Variants in ARNT2 observed in about 807,000 individuals in gnomAD.
ARNT2 encodes aryl hydrocarbon receptor nuclear translocator 2.
In ARNT2, 36 loss-of-function variants were observed where a neutral mutation model predicts 91.7. That is an observed-to-expected ratio of 0.39 (90% CI 0.30 to 0.52). The LOEUF is 0.52. Among genes scored for constraint, ARNT2 ranks in the 20% least tolerant of loss-of-function variants. The pLI is 0.72. For synonymous variants in ARNT2, 365 were observed against 347.1 expected, an observed-to-expected ratio of 1.05 and a Z score of -0.57; for missense variants, 775 against 939.3, an observed-to-expected ratio of 0.83 and a Z score of 2.29.
At chr15:80,460,800 T>C (rs1189562170) in intron 3 of ARNT2, among the ~76,000 whole-genome samples, 1 of 152,080 alleles carries the variant, frequency 6.6e-6, no homozygotes, top group Admixed American at 6.5e-5. Context: ...TTTTTAAGGA[T>C]GAGTACATCC....
Position 80,404,544 on chromosome 15 carries a change from C to T in ARNT2, c.29C>T (p.Pro10Leu), listed in dbSNP as rs1460545159. 1.7e-6 allele frequency: 2 copies of T among 1,191,908 alleles called. No individual in the cohort carries two copies. Among genetic ancestry groups the T allele is most frequent in the Non-Finnish European group, 1.1e-6 (1 of 944,926 alleles). The allele number at this position is 1,191,908 out of a possible 1,614,324, so 73.8% of individuals were successfully genotyped here. A position where few individuals can be genotyped will look rare whatever the true frequency, so the allele number is the denominator to read the frequency against. The change falls in exon 1 of 19, where the codon CCG becomes CTG. Residue 10 changes from proline (P) to leucine (L), a missense_variant and splice_region_variant. This residue lies in a region of ARNT2 where 79 missense variants were observed against 83.8 expected (regional missense o/e 0.94). Coordinates refer to ENST00000303329, the MANE Select transcript of ARNT2 (RefSeq NM_014862.4). The surrounding 1 kb of genome is among the most constrained non-coding windows in gnomAD (Gnocchi z 5.5). MATPAAVNP[P>L]EMASDIPGSV... Reference sequence around the variant, plus strand: ...GCAACCCCGGCGGCGGTCAACCCTCCGGGTGAGTAGCGGCCTGGGCCCCGC... The same window carrying T: ...GCAACCCCGGCGGCGGTCAACCCTCTGGGTGAGTAGCGGCCTGGGCCCCGC...
chr15:80,544,898 T>C (rs1356316667), intron 8 of ARNT2, among the ~76,000 whole-genome samples: 5 of 152,184 alleles, frequency 3.3e-5, no homozygotes, highest in African/African-American at 1.2e-4. Flanking sequence ...AGCAGAAGAA[T>C]GTATGACTCT....
chr15:80,561,037 G>A lies in ARNT2; in HGVS notation c.1165-2051G>A, dbSNP rs80107177. Among the ~76,000 whole-genome samples, 696 of 152,326 alleles carry A rather than the reference G, an allele frequency of 4.6e-3. 25 individuals are homozygous for A. The East Asian group carries it at 0.1, about 23-fold the overall frequency. Reference sequence around the variant, plus strand: ...GCCAGCACACCATTGAGTCCCTGCGGGAAGTGTGCTCTGAGAGCCTGCTCC... The same window carrying A: ...GCCAGCACACCATTGAGTCCCTGCGAGAAGTGTGCTCTGAGAGCCTGCTCC... On this transcript the variant is annotated intron_variant, in intron 11 of 18. Transcript: ENST00000303329.
rs546403366 is a variant in ARNT2 at position 80,445,675 on chromosome 15, T to A, written c.32-5205T>A. ...TCAGCTCCGCACAGGGAGACCCGAG[T>A]GGGGTCTGCACTCCCTCCTGAGATC... On this transcript the variant is annotated intron_variant, in intron 1 of 18. Coordinates refer to ENST00000303329, the MANE Select transcript of ARNT2 (RefSeq NM_014862.4). 4.6e-5 allele frequency among the ~76,000 whole-genome samples: 7 copies of A among 151,734 alleles called. No individual in the cohort carries two copies. The South Asian group carries it at 1.5e-3, about 32-fold the overall frequency.
intron 1 of ARNT2, among the ~76,000 whole-genome samples, chr15:80,449,019 A>G (rs7168754): frequency 0.43 from 65,646 of 151,940 alleles, 14,619 homozygotes; most frequent in East Asian, 0.67. Context: ...AAAACAAAAA[A>G]CCAAAACTTG....
chr15:80,422,987 C>T (rs1478236053), intron 1 of ARNT2, among the ~76,000 whole-genome samples: 1 of 152,166 alleles, frequency 6.6e-6, no homozygotes, highest in Non-Finnish European at 1.5e-5. Context: ...GTGTTCCTAA[C>T]TTACGTATCA....
chr15:80,559,343 A>G (rs141466904), intron 11 of ARNT2, among the ~76,000 whole-genome samples: 6,865 of 150,470 alleles, frequency 0.046, 217 homozygotes, highest in South Asian at 0.1. Context: ...CCCCAGCCCC[A>G]GCCCCGGCCA....
intron 11 of ARNT2, chr15:80,555,671 A>T (rs1596010983): frequency 6.5e-6 from 1 of 152,814 alleles, no homozygotes; most frequent in African/African-American, 2.4e-5. Flanking sequence ...CTCCTCAGTC[A>T]TTTAAAGGTA....
intron 12 of ARNT2, among the ~76,000 whole-genome samples, chr15:80,573,821 A>G (rs1199259630): frequency 5.3e-5 from 8 of 152,254 alleles, no homozygotes. Flanking sequence ...AGCTGAAGCC[A>G]ACTGCTTCAT....
intron 12 of ARNT2, among the ~76,000 whole-genome samples, chr15:80,572,570 G>A (rs1898602792): frequency 6.6e-6 from 1 of 151,906 alleles, no homozygotes; most frequent in African/African-American, 2.4e-5. Context: ...GAGGTGGCCT[G>A]TGGGCAGTTC....
chr15:80,588,040 G>A (rs936333234), intron 17 of ARNT2, among the ~76,000 whole-genome samples: 1 of 152,180 alleles, frequency 6.6e-6, no homozygotes, highest in Non-Finnish European at 1.5e-5. Flanking sequence ...TAGCTGTGTG[G>A]TTATGGGGGC....
chr15:80,437,895 T>C (rs1015856093), intron 1 of ARNT2, among the ~76,000 whole-genome samples: 8 of 151,180 alleles, frequency 5.3e-5, no homozygotes, highest in African/African-American at 1.9e-4. Flanking sequence ...AGTTATTAGC[T>C]TTGTTCCTTT....
chr15:80,424,622 C>A (rs1257179064), intron 1 of ARNT2, among the ~76,000 whole-genome samples: 1 of 152,126 alleles, frequency 6.6e-6, no homozygotes, highest in Non-Finnish European at 1.5e-5. Flanking sequence ...CTGTAATCAT[C>A]AAATAAAAAA....
intron 17 of ARNT2, among the ~76,000 whole-genome samples, chr15:80,582,175 C>T (rs527483389): frequency 1.1e-4 from 17 of 152,256 alleles, no homozygotes; most frequent in African/African-American, 3.6e-4. Context: ...TCCATTAGAA[C>T]TGCTTGTCTG....
intron 17 of ARNT2, among the ~76,000 whole-genome samples, chr15:80,583,921 C>G (rs1472766651): frequency 6.6e-6 from 1 of 152,202 alleles, no homozygotes; most frequent in Non-Finnish European, 1.5e-5. Context: ...GGCTGGAACC[C>G]TTCCAATGAG....
intron 3 of ARNT2, among the ~76,000 whole-genome samples, chr15:80,461,290 G>T (rs1021495347): frequency 6.6e-6 from 1 of 152,218 alleles, no homozygotes; most frequent in Admixed American, 6.5e-5. Context: ...CAGGGTTGAG[G>T]ATTAGGGCAG....
chr15:80,499,685 T>G (rs1287578247), intron 5 of ARNT2, among the ~76,000 whole-genome samples: 2 of 152,190 alleles, frequency 1.3e-5, no homozygotes, highest in African/African-American at 4.8e-5. Context: ...TTGGATTCTA[T>G]CCTAGTCTTG....
chr15:80,442,827 C>G (rs1183438172), intron 1 of ARNT2: 1 of 985,188 alleles, frequency 1.0e-6, no homozygotes, highest in East Asian at 1.1e-4. Flanking sequence ...ATTTTTTTTG[C>G]CCTATACAGT....
In ARNT2 at chr15:80,591,833, G is replaced by A. The variant is rs1893285837; in HGVS notation, c.2055+129G>A. 3 of 1,415,538 alleles carry A rather than the reference G, an allele frequency of 2.1e-6. No individual in the cohort carries two copies. Among genetic ancestry groups the A allele is most frequent in the Admixed American group, 2.4e-5 (1 of 42,080 alleles). 87.7% of individuals were successfully genotyped at this position (1,415,538 alleles called of 1,614,324 possible). A position where few individuals can be genotyped will look rare whatever the true frequency, so the allele number is the denominator to read the frequency against. ...GAGTTCTGGCCCAGCCTGGGCTCGA[G>A]GGAGTCCAGGAGTAGAAAGCCCCAT... On this transcript the variant is annotated intron_variant, in intron 18 of 18. Coordinates refer to ENST00000303329, the MANE Select transcript of ARNT2 (RefSeq NM_014862.4). This position sits in a 1 kb window ranked among gnomAD's most constrained non-coding sequence, Gnocchi z 5.1.
Sources: allele counts gnomAD v4.1 joint callset (sites outside exome capture counted in the v4.1 genomes callset), GRCh38; gene constraint gnomAD v4.1.1; regional missense constraint gnomAD v4.1.1; non-coding constraint Gnocchi (gnomAD v3.1); transcripts MANE v1.5; gene names NCBI Gene and HGNC (gene_info 2026-07-23, HGNC 2026-07-21).